The following MAGEA11 variants were observed in gnomAD, a reference collection of about 807,000 sequenced individuals.
MAGEA11 encodes MAGE family member A11.
A neutral mutation model predicts 8.4 loss-of-function variants in MAGEA11; 1 was observed. The observed-to-expected ratio is 0.12, with a 90% confidence interval of 0.04 to 0.57. The LOEUF is 0.57. MAGEA11 is among the 20% of genes least tolerant of loss of function. MAGEA11 has a pLI of 0.91. For synonymous variants in MAGEA11, 127 were observed against 119.3 expected (o/e 1.06, Z -0.42); for missense variants, 209 against 317.3 (o/e 0.66, Z 2.59).
At chrX:149,708,935 A>G (rs1376497376), upstream of MAGEA11, among the ~76,000 whole-genome samples, 4 of 110,059 alleles carry the variant, frequency 3.6e-5, no homozygotes, top group African/African-American at 1.3e-4. Flanking sequence ...AAGTTATTTC[A>G]TCATAATATC....
At chrX:149,695,644 G>A (rs1398263757) in intron 1 of MAGEA11, among the ~76,000 whole-genome samples, 1 of 110,968 alleles carries the variant, frequency 9.0e-6, no homozygotes, top group Non-Finnish European at 1.9e-5. Context: ...AACATGAAAG[G>A]ATGCTCAACT....
In MAGEA11 at chrX:149,703,349, A is replaced by G. The variant is rs146529370; in HGVS notation, c.10-11132A>G. The stretch of plus-strand genomic sequence containing the variant: ...TTAAAATAACCATTGAGCCATCCCA[A>G]TGAAGTGCAAGCAGTGGTGTGGAGA... On this transcript the variant is annotated intron_variant, in intron 1 of 3. Transcript: ENST00000333104. Among the ~76,000 whole-genome samples, 365 of 112,566 alleles carry G rather than the reference A, an allele frequency of 3.2e-3. 2 individuals carry two copies. The highest frequency in any genetic ancestry group is 5.1e-3 in the Non-Finnish European group (272 of 53,315).
Position 149,716,956 on chromosome X carries a change from A to G in MAGEA11, c.*180A>G, listed in dbSNP as rs1156890684. The stretch of plus-strand genomic sequence containing the variant: ...GTGAATGGAAGGGAACACATTGTAT[A>G]CTGCCTTTAGGTTTCTCTTCCATCG... On this transcript the variant is annotated 3_prime_UTR_variant, in exon 5 of 5. Coordinates refer to ENST00000355220, the MANE Select transcript of MAGEA11 (RefSeq NM_005366.5). 2.5e-6 allele frequency: 1 copy of G among 402,758 alleles called. No individual in the cohort carries two copies. The highest frequency in any genetic ancestry group is 4.2e-6 in the Non-Finnish European group (1 of 235,520). The allele number at this position is 402,758 out of a possible 1,213,427, so 33.2% of individuals were successfully genotyped here.
chrX:149,698,957 T>G (rs1557360775), intron 1 of MAGEA11, among the ~76,000 whole-genome samples: 1 of 112,170 alleles, frequency 8.9e-6, no homozygotes, highest in Non-Finnish European at 1.9e-5. Context: ...TTTTTATGGC[T>G]GAATAGTATT....
upstream of MAGEA11, among the ~76,000 whole-genome samples, chrX:149,709,315 A>G (rs1396844275): frequency 9.0e-6 from 1 of 111,070 alleles, no homozygotes. Flanking sequence ...AAATTGGTCC[A>G]TAAAGAAACA....
At chrX:149,709,268 G>A (rs1479631549), upstream of MAGEA11, among the ~76,000 whole-genome samples, 1 of 105,242 alleles carries the variant, frequency 9.5e-6, no homozygotes, top group Non-Finnish European at 1.9e-5. Flanking sequence ...CTGGGCGACT[G>A]AGCGAGACTC....
chrX:149,713,317 A>C (rs782497523), intron 2 of MAGEA11, 62 bp downstream of exon 2: 11 of 753,592 alleles, frequency 1.5e-5, no homozygotes, highest in Non-Finnish European at 2.2e-5. Flanking sequence ...GTGCATCCTC[A>C]CTCTGCCTTT....
intron 1 of MAGEA11, among the ~76,000 whole-genome samples, chrX:149,699,037 T>A (rs147913083): frequency 0.011 from 1,200 of 112,049 alleles, 26 homozygotes; most frequent in African/African-American, 0.037. Flanking sequence ...TGATTCCATG[T>A]CTTTGCTATT....
upstream of MAGEA11, chrX:149,711,698 C>G: frequency 6.4e-6 from 2 of 310,472 alleles, no homozygotes; most frequent in Non-Finnish European, 8.6e-6. Flanking sequence ...TCCCTCCTGT[C>G]AGCCCCGGAA....
At chrX:149,706,264 G>T (rs1310551452) in intron 1 of MAGEA11, among the ~76,000 whole-genome samples, 1 of 111,661 alleles carries the variant, frequency 9.0e-6, no homozygotes, top group African/African-American at 3.3e-5. Context: ...GGACCTGGAG[G>T]AGTATACTAA....
At chrX:149,705,480 C>T (rs782354029) in intron 1 of MAGEA11, among the ~76,000 whole-genome samples, 1 of 112,444 alleles carries the variant, frequency 8.9e-6, no homozygotes, top group East Asian at 2.8e-4. Context: ...TCCAATTAAA[C>T]CCCTTTCTTT....
In MAGEA11 at chrX:149,704,034, G is replaced by A. The variant is rs183839575; in HGVS notation, c.10-10447G>A. ...AAGCCCTGTCTCTGTACTGGGTTGA[G>A]CTGCAACCCACAAACAAGGGAGTGC... On this transcript the variant is annotated intron_variant, in intron 1 of 3. Coordinates refer to the MAGEA11 transcript ENST00000333104. Among the ~76,000 whole-genome samples the A allele has an allele frequency of 3.8e-3, 424 of 112,328 alleles. 3 individuals are homozygous for A. Among genetic ancestry groups the A allele is most frequent in the Middle Eastern group, 0.014 (3 of 218 alleles).
chrX:149,706,697 G>C (rs2090378898), intron 1 of MAGEA11, among the ~76,000 whole-genome samples: 1 of 111,818 alleles, frequency 8.9e-6, no homozygotes, highest in Non-Finnish European at 1.9e-5. Context: ...TTGTATTGGA[G>C]AGCTGCAATT....
chrX:149,713,405 A>C, intron 2 of MAGEA11, 150 bp downstream of exon 2: 1 of 391,010 alleles, frequency 2.6e-6, no homozygotes, highest in Non-Finnish European at 4.3e-6. Flanking sequence ...CAGAGGGAGG[A>C]CTCAGGCAAC....
exon 1 of MAGEA11, chrX:149,688,964 C>T: frequency 9.7e-7 from 1 of 1,026,564 alleles, no homozygotes; most frequent in Non-Finnish European, 1.3e-6. Context: ...TTGATACAGG[C>T]TAGGAATACC....
intron 1 of MAGEA11, among the ~76,000 whole-genome samples, chrX:149,694,614 T>C (rs1000320702): frequency 1.9e-4 from 21 of 112,703 alleles, no homozygotes; most frequent in Non-Finnish European, 3.8e-5. Context: ...TTTCGAATCT[T>C]CTCAAATCTC....
At chrX:149,690,644 G>A (rs2090306332) in intron 1 of MAGEA11, among the ~76,000 whole-genome samples, 1 of 112,325 alleles carries the variant, frequency 8.9e-6, no homozygotes, top group South Asian at 3.7e-4. Context: ...ATACCTTTAA[G>A]TACTGTTATT....
chrX:149,704,381 A>C (rs1236642308), intron 1 of MAGEA11, among the ~76,000 whole-genome samples: 2 of 112,704 alleles, frequency 1.8e-5, no homozygotes, highest in Non-Finnish European at 3.8e-5. Flanking sequence ...AAGACATTAA[A>C]GAGTTAAGTG....
intron 3 of MAGEA11, among the ~76,000 whole-genome samples, chrX:149,714,902 C>T (rs782515926): frequency 6.3e-5 from 7 of 111,253 alleles, no homozygotes; most frequent in Non-Finnish European, 1.1e-4. Flanking sequence ...ATGGGTGTTT[C>T]TATTTCCCTG....
Sources: allele counts gnomAD v4.1 joint callset (sites outside exome capture counted in the v4.1 genomes callset), GRCh38; gene constraint gnomAD v4.1.1; transcripts MANE v1.5; gene names NCBI Gene and HGNC (gene_info 2026-07-23, HGNC 2026-07-21).